STK39: variants seen among roughly 807,000 people sequenced by gnomAD.
STK39 encodes the protein serine/threonine kinase 39, also known as STE20/SPS1-related proline-alanine-rich protein kinase.
In STK39, 20 loss-of-function variants were observed where a neutral mutation model predicts 77.8. The ratio of observed to expected loss-of-function variants is 0.26; its 90% CI spans 0.18 to 0.37. The LOEUF is 0.37. Ranked by LOEUF, STK39 falls within the 10% of genes least tolerant of loss-of-function variation. The probability of loss-of-function intolerance (pLI) is 1.00; values close to 1 mark genes in which losing one functional copy is unlikely to be tolerated. For synonymous variants in STK39, 246 were observed against 234.1 expected (o/e 1.05, Z -0.47); for missense variants, 479 against 656.5 (o/e 0.73, Z 2.95).
chr2:168,097,411 C>T (rs1370665205), intron 10 of STK39, among the ~76,000 whole-genome samples: 3 of 152,196 alleles, frequency 2.0e-5, no homozygotes, highest in Non-Finnish European at 4.4e-5. Context: ...CTAACTGGCC[C>T]ATTCCAGGTG....
chr2:167,956,721 C>T (rs868226114), intron 17 of STK39, among the ~76,000 whole-genome samples: 3,955 of 69,568 alleles, frequency 0.057, 225 homozygotes, highest in Middle Eastern at 0.072. Context: ...CTCTCTCTCT[C>T]TCTCTCTCCC....
chr2:168,143,433 A>C (rs1809050), intron 5 of STK39, among the ~76,000 whole-genome samples: 148,262 of 152,308 alleles, frequency 0.97, 72,216 homozygotes, highest in East Asian at 1. Flanking sequence ...GACTTTCAGG[A>C]CAGGAGCGGT....
chr2:168,036,772 G>C (rs2105346435), intron 14 of STK39, among the ~76,000 whole-genome samples: 1 of 152,292 alleles, frequency 6.6e-6, no homozygotes, highest in African/African-American at 2.4e-5. Flanking sequence ...GATAGAGCAA[G>C]GGTGAGGGTA....
chr2:168,055,882 A>C (rs529959285), intron 14 of STK39, among the ~76,000 whole-genome samples: 86 of 152,332 alleles, frequency 5.6e-4, no homozygotes, highest in African/African-American at 2.0e-3. Context: ...ACAGTATATA[A>C]ATTACAAGGT....
At chr2:168,105,545 C>T (rs967621133) in intron 10 of STK39, among the ~76,000 whole-genome samples, 1 of 152,134 alleles carries the variant, frequency 6.6e-6, no homozygotes. Context: ...AGCCTGGGCT[C>T]GAAAGTCAAT....
At chr2:167,990,465 A>T (rs565607287) in intron 16 of STK39, among the ~76,000 whole-genome samples, 3 of 152,370 alleles carry the variant, frequency 2.0e-5, no homozygotes, top group Admixed American at 2.0e-4. Context: ...CATTAGGCTT[A>T]TAACGAGAAA....
In STK39 at chr2:168,039,164, AT is replaced by A. The variant is rs1685037027; in HGVS notation, c.1377-22070del. On this transcript the variant is annotated intron_variant, in intron 14 of 17. Transcript: ENST00000355999. The stretch of plus-strand genomic sequence containing the variant: ...GTCCATCATCAGGTAAGTAAACAAA[AT>A]GTGGTATATCCATATTCCTCTTTAA... 2.6e-5 allele frequency among the ~76,000 whole-genome samples: 4 copies of A among 152,338 alleles called. No individual in the cohort carries two copies. In the South Asian group the frequency reaches 8.3e-4, roughly 32 times the overall value.
At chr2:167,995,145 T>A (rs921472987) in intron 16 of STK39, among the ~76,000 whole-genome samples, 1 of 151,972 alleles carries the variant, frequency 6.6e-6, no homozygotes, top group African/African-American at 2.4e-5. Context: ...AGTCTCGCTC[T>A]GTCACCCAGG....
intron 14 of STK39, among the ~76,000 whole-genome samples, chr2:168,044,080 A>G (rs978229486): frequency 3.9e-5 from 6 of 152,250 alleles, no homozygotes; most frequent in African/African-American, 1.4e-4. Flanking sequence ...CATCTCTGCA[A>G]CATGTTAAAA....
chr2:168,137,524 AG>A (rs1687870471), intron 8 of STK39, among the ~76,000 whole-genome samples: 1 of 152,230 alleles, frequency 6.6e-6, no homozygotes, highest in East Asian at 1.9e-4. Context: ...AAGAATAAAT[AG>A]GAAACACTAA....
intron 16 of STK39, among the ~76,000 whole-genome samples, chr2:167,987,111 A>T (rs1037018874): frequency 6.6e-6 from 1 of 152,132 alleles, no homozygotes; most frequent in Non-Finnish European, 1.5e-5. Flanking sequence ...CTCCCATTGG[A>T]AGAAATCAAA....
intron 15 of STK39, among the ~76,000 whole-genome samples, chr2:168,013,812 G>GTA (rs1684333687): frequency 1.7e-5 from 1 of 60,022 alleles, no homozygotes. Context: ...GTGTGTGTGT[G>GTA]TGTGTGTGTG....
At chr2:168,106,411 T>G (rs958661336) in intron 10 of STK39, among the ~76,000 whole-genome samples, 1 of 152,224 alleles carries the variant, frequency 6.6e-6, no homozygotes, top group African/African-American at 2.4e-5. Flanking sequence ...CTTGTGTTAC[T>G]GTTATAGCTA....
At chr2:168,111,029 A>G (rs1193042593) in intron 10 of STK39, among the ~76,000 whole-genome samples, 1 of 152,132 alleles carries the variant, frequency 6.6e-6, no homozygotes, top group Non-Finnish European at 1.5e-5. Flanking sequence ...AAATAATAAA[A>G]ACCTGGTCTT....
chr2:168,151,185 T>C (rs1688271941), intron 5 of STK39, among the ~76,000 whole-genome samples: 1 of 152,166 alleles, frequency 6.6e-6, no homozygotes, highest in Admixed American at 6.5e-5. Flanking sequence ...GAGGGAGCAG[T>C]AGTCATAACC....
intron 15 of STK39, among the ~76,000 whole-genome samples, chr2:168,013,793 G>GGTGTGTGTGTGTGTGTGTGT (rs4000936): frequency 2.7e-5 from 4 of 147,662 alleles, no homozygotes; most frequent in African/African-American, 1.0e-4. Context: ...TAAGTGGGCT[G>GGTGTGTGTGTGTGTGTGTGT]GTGTGTGTGT....
intron 1 of STK39, among the ~76,000 whole-genome samples, chr2:168,234,853 T>G (rs1690556331): frequency 6.6e-6 from 1 of 151,964 alleles, no homozygotes; most frequent in Admixed American, 6.5e-5. Context: ...AGACATATTT[T>G]TACTCTATTG....
intron 14 of STK39, among the ~76,000 whole-genome samples, chr2:168,043,465 G>C (rs1685160661): frequency 6.6e-6 from 1 of 152,172 alleles, no homozygotes; most frequent in African/African-American, 2.4e-5. Context: ...CCAAAATGTA[G>C]TTAAACGATA....
intron 17 of STK39, among the ~76,000 whole-genome samples, chr2:167,963,515 T>C (rs1386972837): frequency 4.7e-5 from 7 of 148,900 alleles, no homozygotes; most frequent in Non-Finnish European, 1.0e-4. Flanking sequence ...ATCAATATAC[T>C]CTCACATTAA....
Sources: allele counts gnomAD v4.1 joint callset (sites outside exome capture counted in the v4.1 genomes callset), GRCh38; gene constraint gnomAD v4.1.1; transcripts MANE v1.5; gene names NCBI Gene and HGNC (gene_info 2026-07-23, HGNC 2026-07-21).